The following SLC2A9 variants were observed in gnomAD, a reference collection of about 807,000 sequenced individuals.
SLC2A9 encodes the protein solute carrier family 2 member 9.
Under a neutral mutation model 50.6 loss-of-function variants are expected in SLC2A9, and 39 were observed. The observed-to-expected ratio is 0.77, with a 90% CI of 0.60 to 1.01. The LOEUF is 1.01. Among genes scored for constraint, SLC2A9 ranks in the 50% least tolerant of loss-of-function variants. The pLI is 0.00. For synonymous variants in SLC2A9, 324 were observed against 276.9 expected (o/e 1.17, Z -1.69); for missense variants, 686 against 677.6 (o/e 1.01, Z -0.14).
At chr4:10,016,311 A>G (rs1383111573) in intron 2 of SLC2A9, among the ~76,000 whole-genome samples, 1 of 152,190 alleles carries the variant, frequency 6.6e-6, no homozygotes, top group Non-Finnish European at 1.5e-5. Context: ...GGCTCCACTC[A>G]TTATGTGACT....
intron 2 of SLC2A9, among the ~76,000 whole-genome samples, chr4:10,015,246 T>C (rs1422841042): frequency 6.6e-6 from 1 of 152,186 alleles, no homozygotes; most frequent in Non-Finnish European, 1.5e-5. Flanking sequence ...TTTGCCTTTA[T>C]TGATCATGCC....
At chr4:9,945,592 C>T (rs192970422) in intron 5 of SLC2A9, among the ~76,000 whole-genome samples, 1 of 152,282 alleles carries the variant, frequency 6.6e-6, no homozygotes, top group African/African-American at 2.4e-5. Flanking sequence ...TCTGGGATCC[C>T]AGAGTCTGAA....
chr4:9,786,126 T>C (rs1167228233), intron 3 of SLC2A9, among the ~76,000 whole-genome samples: 1 of 152,196 alleles, frequency 6.6e-6, no homozygotes, highest in East Asian at 1.9e-4. Context: ...AGGATTAATG[T>C]TAATTGCTGT....
At chr4:9,833,207 A>G (rs1726460836) in intron 11 of SLC2A9, among the ~76,000 whole-genome samples, 1 of 152,202 alleles carries the variant, frequency 6.6e-6, no homozygotes, top group South Asian at 2.1e-4. Flanking sequence ...GTGTCCCAGG[A>G]TGGGAATAAA....
intron 3 of SLC2A9, among the ~76,000 whole-genome samples, chr4:9,780,719 G>C (rs1472144570): frequency 6.6e-6 from 1 of 152,194 alleles, no homozygotes; most frequent in Non-Finnish European, 1.5e-5. Flanking sequence ...CTTCACAAAT[G>C]CAACTTGTCA....
At chr4:9,887,280 G>A (rs1231616827) in intron 10 of SLC2A9, among the ~76,000 whole-genome samples, 1 of 152,244 alleles carries the variant, frequency 6.6e-6, no homozygotes, top group African/African-American at 2.4e-5. Flanking sequence ...ACACAAACCA[G>A]TGTCACCTCT....
chr4:9,846,934 T>C (rs1408549953), intron 10 of SLC2A9, among the ~76,000 whole-genome samples: 2 of 152,226 alleles, frequency 1.3e-5, no homozygotes, highest in African/African-American at 4.8e-5. Flanking sequence ...TTAGATATAT[T>C]TTCTCTTAGT....
At chr4:9,782,834 G>A (rs773943990) in intron 3 of SLC2A9, 11 of 1,612,948 alleles carry the variant, frequency 6.8e-6, no homozygotes, top group South Asian at 4.4e-5. Context: ...CGCAGAGCAC[G>A]CGCAGAGCTG....
chr4:9,943,005 T>C (rs1192065940), intron 5 of SLC2A9, among the ~76,000 whole-genome samples: 1 of 152,130 alleles, frequency 6.6e-6, no homozygotes, highest in East Asian at 1.9e-4. Flanking sequence ...TCTGTTGGCT[T>C]CAGGTGGGGC....
At chr4:9,840,381 G>C (rs557972639) in intron 10 of SLC2A9, among the ~76,000 whole-genome samples, 1 of 152,004 alleles carries the variant, frequency 6.6e-6, no homozygotes. Context: ...GAAAGAATGG[G>C]GTTTGATAAA....
intron 5 of SLC2A9, among the ~76,000 whole-genome samples, chr4:9,958,904 G>A (rs570035895): frequency 6.6e-6 from 1 of 152,146 alleles, no homozygotes; most frequent in South Asian, 2.1e-4. Flanking sequence ...TTAATTGTAG[G>A]TAGTTAGAAA....
At chr4:9,943,845 C>A (rs542155945) in intron 5 of SLC2A9, among the ~76,000 whole-genome samples, 2 of 152,086 alleles carry the variant, frequency 1.3e-5, no homozygotes, top group Non-Finnish European at 2.9e-5. Context: ...AAGCTCCTAC[C>A]ACGTGCCGGA....
chr4:9,795,039 TCTCA>T (rs1478286950), downstream of SLC2A9, among the ~76,000 whole-genome samples: 1 of 101,644 alleles, frequency 9.8e-6, no homozygotes, highest in Non-Finnish European at 2.0e-5. Context: ...TAAGACAAAG[TCTCA>T]CTCTGTCACC....
chr4:9,945,439 C>T (rs968858158), intron 5 of SLC2A9, among the ~76,000 whole-genome samples: 1 of 152,130 alleles, frequency 6.6e-6, no homozygotes, highest in Non-Finnish European at 1.5e-5. Context: ...TTGGATAGTT[C>T]ATCTCTTCTC....
chr4:9,808,629 T>C (rs1007378444), intron 3 of SLC2A9, among the ~76,000 whole-genome samples: 7 of 152,230 alleles, frequency 4.6e-5, no homozygotes, highest in Non-Finnish European at 8.8e-5. Flanking sequence ...AAAGAGAGAC[T>C]TTGGAATTCT....
At chr4:9,823,504 TC>T (rs3834810), downstream of SLC2A9, among the ~76,000 whole-genome samples, 24,135 of 152,144 alleles carry the variant, frequency 0.16, 2,561 homozygotes, top group African/African-American at 0.3. Context: ...AGACAACAAA[TC>T]CTAGATTATC....
At chr4:9,895,654 C>A (rs939197713) in intron 8 of SLC2A9, among the ~76,000 whole-genome samples, 3 of 152,166 alleles carry the variant, frequency 2.0e-5, no homozygotes, top group African/African-American at 7.2e-5. Context: ...ATAATGGGAA[C>A]CTTTTGTTCT....
intron 10 of SLC2A9, among the ~76,000 whole-genome samples, chr4:9,868,717 C>A (rs553618735): frequency 6.6e-6 from 1 of 152,312 alleles, no homozygotes; most frequent in African/African-American, 2.4e-5. Context: ...ATTAACTGAG[C>A]GCTTCATAAG....
At chr4:9,897,624 G>C (rs750017580) in intron 8 of SLC2A9, among the ~76,000 whole-genome samples, 1 of 152,030 alleles carries the variant, frequency 6.6e-6, no homozygotes, top group Non-Finnish European at 1.5e-5. Flanking sequence ...CACGCACACA[G>C]GCCTGTAATC....
Sources: allele counts gnomAD v4.1 joint callset (sites outside exome capture counted in the v4.1 genomes callset), GRCh38; gene constraint gnomAD v4.1.1; transcripts MANE v1.5; gene names NCBI Gene and HGNC (gene_info 2026-07-23, HGNC 2026-07-21).